Variants in NALF1 observed in about 807,000 individuals in gnomAD.
The protein encoded by NALF1 is family with sequence similarity 155 member A.
In NALF1, 3 loss-of-function variants were observed where a neutral mutation model predicts 48.4. The ratio of observed to expected loss-of-function variants is 0.06; its 90% CI spans 0.03 to 0.16. NALF1 has a LOEUF of 0.16. Among genes scored for constraint, NALF1 ranks in the 10% least tolerant of loss-of-function variants. NALF1 has a pLI of 1.00. For synonymous variants in NALF1, 262 were observed against 245.7 expected, an observed-to-expected ratio of 1.07 and a Z score of -0.62; for missense variants, 526 against 571.5, an observed-to-expected ratio of 0.92 and a Z score of 0.81.
chr13:107,603,594 T>C (rs1878990701), intron 1 of NALF1, among the ~76,000 whole-genome samples: 1 of 152,210 alleles, frequency 6.6e-6, no homozygotes, highest in Admixed American at 6.5e-5. Flanking sequence ...CTCCTTTTAA[T>C]AACAGATGAG....
At chr13:107,247,022 T>C (rs962759648) in intron 1 of NALF1, among the ~76,000 whole-genome samples, 3 of 152,160 alleles carry the variant, frequency 2.0e-5, no homozygotes, top group Non-Finnish European at 4.4e-5. Context: ...TTATTTCTCA[T>C]CTGTAAAAAT....
chr13:107,575,434 A>C (rs1878111984), intron 1 of NALF1, among the ~76,000 whole-genome samples: 1 of 152,192 alleles, frequency 6.6e-6, no homozygotes, highest in African/African-American at 2.4e-5. Context: ...CCATCCCATG[A>C]GCCCCTTTCT....
At chr13:107,859,794 A>G (rs1261165875) in intron 1 of NALF1, among the ~76,000 whole-genome samples, 1 of 151,908 alleles carries the variant, frequency 6.6e-6, no homozygotes, top group Non-Finnish European at 1.5e-5. Context: ...CAGCTACTGT[A>G]ATCCCACCTA....
In NALF1 at chr13:107,821,422, G is replaced by A. The variant is rs952208236; in HGVS notation, c.915+44260C>T. 5.9e-5 allele frequency among the ~76,000 whole-genome samples: 9 copies of A among 152,296 alleles called. 3 individuals carry two copies. Among genetic ancestry groups the A allele is most frequent in the Admixed American group, 5.9e-4 (9 of 15,294 alleles). On this transcript the variant is annotated intron_variant, in intron 1 of 2. Coordinates refer to ENST00000375915, the MANE Select transcript of NALF1 (RefSeq NM_001080396.3). ...TGACGCACCCTTTGAGATGACGCGTGAGGGCTCTAAGGCCATGTCGAGATT... is the reference window on the plus strand; with the variant it reads ...TGACGCACCCTTTGAGATGACGCGTAAGGGCTCTAAGGCCATGTCGAGATT...
At chr13:107,223,340 A>ATT (rs543910021) in intron 1 of NALF1, among the ~76,000 whole-genome samples, 1,524 of 150,934 alleles carry the variant, frequency 0.01, 36 homozygotes, top group African/African-American at 0.035. Context: ...TTAATAACTC[A>ATT]TTTTTTTTTG....
chr13:107,490,134 T>C (rs1487113475), intron 1 of NALF1, among the ~76,000 whole-genome samples: 1 of 152,032 alleles, frequency 6.6e-6, no homozygotes, highest in Non-Finnish European at 1.5e-5. Flanking sequence ...GATGGGAGAG[T>C]AAATTAGGTC....
chr13:107,782,360 T>C lies in NALF1; in HGVS notation c.915+83322A>G, dbSNP rs540570643. Among the ~76,000 whole-genome samples the C allele has an allele frequency of 5.2e-3, 794 of 152,278 alleles. 6 individuals carry two copies. The highest frequency in any genetic ancestry group is 0.022 in the Admixed American group (330 of 15,302). On this transcript the variant is annotated intron_variant, in intron 1 of 2. Transcript: ENST00000375915. Reference sequence around the variant, plus strand: ...GGTGTCTGGTTCACTCAGTGCTCAATGGTGCCCAGGCTGGAGTGCAGTGGC... The same window carrying C: ...GGTGTCTGGTTCACTCAGTGCTCAACGGTGCCCAGGCTGGAGTGCAGTGGC...
In NALF1 at chr13:107,473,156, A is replaced by G. The variant is rs972123733; in HGVS notation, c.916-262401T>C. Among the ~76,000 whole-genome samples the G allele has an allele frequency of 2.0e-5, 3 of 152,172 alleles. No homozygotes were observed. In the East Asian group the frequency reaches 5.8e-4, roughly 29 times the overall value. Reference sequence around the variant, plus strand: ...CATAGATTCTCCCTCTGGAATACCAATGCTTCCCTTGTGTACCACAGGCTT... The same window carrying G: ...CATAGATTCTCCCTCTGGAATACCAGTGCTTCCCTTGTGTACCACAGGCTT... On this transcript the variant is annotated intron_variant, in intron 1 of 2. Coordinates refer to ENST00000375915, the MANE Select transcript of NALF1 (RefSeq NM_001080396.3).
chr13:107,204,127 G>C (rs1879584231), intron 2 of NALF1, among the ~76,000 whole-genome samples: 1 of 151,400 alleles, frequency 6.6e-6, no homozygotes, highest in African/African-American at 2.4e-5. Context: ...AGCTCTCCCT[G>C]CTCTCCAACG....
intron 1 of NALF1, among the ~76,000 whole-genome samples, chr13:107,830,644 G>A (rs1029082589): frequency 2.2e-4 from 33 of 152,106 alleles, no homozygotes; most frequent in African/African-American, 7.7e-4. Context: ...AGCGGGGGGA[G>A]GATTCTTGTT....
chr13:107,640,958 G>C (rs1450312373), intron 1 of NALF1, among the ~76,000 whole-genome samples: 2 of 152,144 alleles, frequency 1.3e-5, no homozygotes, highest in Admixed American at 1.3e-4. Context: ...AAGGAAATCA[G>C]TATGTCAGAG....
intron 1 of NALF1, among the ~76,000 whole-genome samples, chr13:107,632,986 A>G (rs1879873819): frequency 6.6e-6 from 1 of 151,584 alleles, no homozygotes; most frequent in Non-Finnish European, 1.5e-5. Context: ...ATGTGTCTTC[A>G]GGGAGGATTA....
chr13:107,257,379 G>C (rs1453723349), intron 1 of NALF1, among the ~76,000 whole-genome samples: 1 of 152,094 alleles, frequency 6.6e-6, no homozygotes, highest in Non-Finnish European at 1.5e-5. Context: ...ACTAATAATA[G>C]GGAATTTAGA....
chr13:107,557,492 G>GCCAAA (rs1877515717), intron 1 of NALF1, among the ~76,000 whole-genome samples: 1 of 151,984 alleles, frequency 6.6e-6, no homozygotes, highest in Non-Finnish European at 1.5e-5. Flanking sequence ...AGTAGGTTTG[G>GCCAAA]CCTACTAACA....
At chr13:107,298,712 G>A (rs891218226) in intron 1 of NALF1, among the ~76,000 whole-genome samples, 1 of 152,154 alleles carries the variant, frequency 6.6e-6, no homozygotes, top group Non-Finnish European at 1.5e-5. Flanking sequence ...TTACAGGCGT[G>A]AGCCACTGCA....
chr13:107,412,343 A>AT (rs931189302), intron 1 of NALF1, among the ~76,000 whole-genome samples: 1 of 152,142 alleles, frequency 6.6e-6, no homozygotes, highest in Non-Finnish European at 1.5e-5. Flanking sequence ...AATAATAGTA[A>AT]TTTTTTTAAA....
At chr13:107,732,510 T>G (rs1172517037) in intron 1 of NALF1, among the ~76,000 whole-genome samples, 1 of 152,168 alleles carries the variant, frequency 6.6e-6, no homozygotes, top group Admixed American at 6.6e-5. Flanking sequence ...TGGCAGTACC[T>G]ATGTCCTTCT....
chr13:107,469,996 G>C (rs1036373831), intron 1 of NALF1, among the ~76,000 whole-genome samples: 11 of 151,956 alleles, frequency 7.2e-5, no homozygotes, highest in Non-Finnish European at 1.0e-4. Flanking sequence ...GCCCGACTCG[G>C]CCTCCCAAAG....
chr13:107,322,098 A>AT (rs1460166445), intron 1 of NALF1, among the ~76,000 whole-genome samples: 6 of 152,188 alleles, frequency 3.9e-5, no homozygotes, highest in African/African-American at 1.4e-4. Context: ...AGATCTCTGT[A>AT]TTTTTCCAGG....
Sources: allele counts gnomAD v4.1 joint callset (sites outside exome capture counted in the v4.1 genomes callset), GRCh38; gene constraint gnomAD v4.1.1; transcripts MANE v1.5; gene names NCBI Gene and HGNC (gene_info 2026-07-23, HGNC 2026-07-21).